SLC4A7: variants seen among roughly 807,000 people sequenced by gnomAD.
The protein encoded by SLC4A7 is solute carrier family 4 member 7.
In SLC4A7, 51 loss-of-function variants were observed where a neutral mutation model predicts 137.6. The observed-to-expected ratio is 0.37, with a 90% CI of 0.30 to 0.47. The LOEUF (loss-of-function observed/expected upper bound fraction) is 0.47. Ranked by LOEUF, SLC4A7 falls within the 20% of genes least tolerant of loss-of-function variation. SLC4A7 has a pLI of 1.00. For missense variants in SLC4A7, 1,247 were observed against 1,525.4 expected (o/e 0.82, Z 3.04); for synonymous variants, 542 against 518.6 (o/e 1.05, Z -0.61).
chr3:27,384,650 C>T (rs2150038182), intron 23 of SLC4A7, among the ~76,000 whole-genome samples: 1 of 152,124 alleles, frequency 6.6e-6, no homozygotes, highest in South Asian at 2.1e-4. Context: ...AAATTATATT[C>T]TATTTGAAAA....
chr3:27,456,804 G>C (rs2058438840), intron 1 of SLC4A7: 3 of 1,474,246 alleles, frequency 2.0e-6, no homozygotes, highest in Admixed American at 2.6e-5. Flanking sequence ...ATTCTTCTAA[G>C]TTACTTTTAT....
At chr3:27,478,003 T>A (rs2059536032) in intron 1 of SLC4A7, among the ~76,000 whole-genome samples, 2 of 152,206 alleles carry the variant, frequency 1.3e-5, no homozygotes, top group Admixed American at 6.5e-5. Context: ...GTCAAAAGTA[T>A]AACCATTTCT....
At chr3:27,416,459 A>G (rs541961897) in intron 11 of SLC4A7, among the ~76,000 whole-genome samples, 15 of 152,292 alleles carry the variant, frequency 9.8e-5, no homozygotes, top group African/African-American at 3.1e-4. Context: ...AGATTTGTAT[A>G]TATCTTATGG....
rs1004270502 is a variant in SLC4A7 at position 27,376,584 on chromosome 3, G to A, written c.*180C>T. On this transcript the variant is annotated 3_prime_UTR_variant, in exon 26 of 26. Coordinates refer to ENST00000454389, the MANE Select transcript of SLC4A7 (RefSeq NM_001321103.2). ...TAAGAACCATGTACCTCACTTCAAA[G>A]AGAGCATTTCATTAAATACATAGTC... 2.6e-6 allele frequency: 1 copy of A among 391,894 alleles called. No individual in the cohort carries two copies. The highest frequency in any genetic ancestry group is 2.1e-5 in the African/African-American group (1 of 47,798). The allele number at this position is 391,894 out of a possible 1,614,324, so 24.3% of individuals were successfully genotyped here. A position where few individuals can be genotyped will look rare whatever the true frequency, so the allele number is the denominator to read the frequency against.
At chr3:27,405,210 ACAGG>A (rs1425739335) in intron 13 of SLC4A7, among the ~76,000 whole-genome samples, 1 of 152,182 alleles carries the variant, frequency 6.6e-6, no homozygotes, top group East Asian at 1.9e-4. Context: ...AAAACTCAAT[ACAGG>A]CTGAGTATCC....
intron 1 of SLC4A7, among the ~76,000 whole-genome samples, chr3:27,464,890 G>A (rs2058896997): frequency 6.6e-6 from 1 of 152,096 alleles, no homozygotes; most frequent in Admixed American, 6.6e-5. Context: ...GAATTCAATT[G>A]GTGAGATGGA....
chr3:27,424,242 A>C, intron 7 of SLC4A7, 90 bp from the exon 8 acceptor site: 1 of 640,764 alleles, frequency 1.6e-6, no homozygotes, highest in Non-Finnish European at 2.7e-6. Context: ...TGATTTATGA[A>C]TATTATAAAA....
Position 27,376,281 on chromosome 3 carries a change from C to T in SLC4A7, c.*483G>A, listed in dbSNP as rs1345855943. 6.6e-6 allele frequency: 1 copy of T among 152,130 alleles called. No individual in the cohort carries two copies. Among genetic ancestry groups the T allele is most frequent in the African/African-American group, 2.4e-5 (1 of 41,424 alleles). 9.4% of individuals were successfully genotyped at this position (152,130 alleles called of 1,614,324 possible). ...ACGATGGACATCTACAGAAATGAAACACAAATAGAGAAGCCCTGAAATGTT... is the reference window on the plus strand; with the variant it reads ...ACGATGGACATCTACAGAAATGAAATACAAATAGAGAAGCCCTGAAATGTT... On this transcript the variant is annotated 3_prime_UTR_variant, in exon 26 of 26. Transcript: ENST00000454389.
At chr3:27,392,795 C>A (rs1407245416) in intron 20 of SLC4A7, among the ~76,000 whole-genome samples, 1 of 151,248 alleles carries the variant, frequency 6.6e-6, no homozygotes, top group Non-Finnish European at 1.5e-5. Flanking sequence ...CACTGCACTC[C>A]AGCCTGGGTG....
chr3:27,394,818 CA>C (rs773829259), intron 19 of SLC4A7, 49 bp from the exon 20 acceptor site: 1 of 1,582,582 alleles, frequency 6.3e-7, no homozygotes, highest in South Asian at 1.2e-5. Flanking sequence ...ATGGTTCCCT[CA>C]ATTTAAAATT....
intron 3 of SLC4A7, among the ~76,000 whole-genome samples, 192 bp from the exon 4 acceptor site, chr3:27,437,718 T>G (rs1335498621): frequency 6.8e-6 from 1 of 146,326 alleles, no homozygotes; most frequent in African/African-American, 2.5e-5. Context: ...AAAAAAAAAG[T>G]CACAGAAAGA....
intron 21 of SLC4A7, among the ~76,000 whole-genome samples, chr3:27,391,273 A>G (rs1343915801): frequency 2.6e-5 from 4 of 152,154 alleles, no homozygotes; most frequent in African/African-American, 9.7e-5. Flanking sequence ...TTCCTGATTT[A>G]TATTAGGATT....
intron 1 of SLC4A7, among the ~76,000 whole-genome samples, chr3:27,460,794 T>C (rs1455340820): frequency 1.3e-5 from 2 of 152,214 alleles, no homozygotes; most frequent in Non-Finnish European, 2.9e-5. Context: ...TACTGCGCCA[T>C]GGCCTTTAAG....
chr3:27,433,569 T>A (rs1033415201), intron 6 of SLC4A7, among the ~76,000 whole-genome samples: 1 of 151,906 alleles, frequency 6.6e-6, no homozygotes, highest in African/African-American at 2.4e-5. Context: ...TTTCACAAGT[T>A]GTACAAATAA....
At chr3:27,407,974 G>A (rs2053546115) in intron 13 of SLC4A7, among the ~76,000 whole-genome samples, 1 of 152,092 alleles carries the variant, frequency 6.6e-6, no homozygotes, top group South Asian at 2.1e-4. Flanking sequence ...TTCTAATAAA[G>A]CACCTGATAA....
rs149637330 is a variant in SLC4A7, at chr3:27,455,539, G to C, written c.61-3041C>G. 2.2e-3 allele frequency among the ~76,000 whole-genome samples: 329 copies of C among 151,432 alleles called. 3 individuals carry two copies. Among genetic ancestry groups the C allele is most frequent in the African/African-American group, 7.6e-3 (313 of 41,276 alleles). ...TTGTTATTGTTTCAGTTTTCAATGA[G>C]AGTGTTTTCATGCGTAACTTGCATA... On this transcript the variant is annotated intron_variant, in intron 1 of 25. Coordinates refer to ENST00000454389, the MANE Select transcript of SLC4A7 (RefSeq NM_001321103.2).
intron 1 of SLC4A7, among the ~76,000 whole-genome samples, chr3:27,483,011 C>T (rs2059779508): frequency 6.6e-6 from 1 of 152,188 alleles, no homozygotes; most frequent in Non-Finnish European, 1.5e-5. Context: ...TTAAAGACAA[C>T]TCTTGAATAA....
chr3:27,470,976 G>A (rs2059220966), intron 1 of SLC4A7, among the ~76,000 whole-genome samples: 1 of 151,940 alleles, frequency 6.6e-6, no homozygotes, highest in Non-Finnish European at 1.5e-5. Context: ...AAACAAAACA[G>A]CAAACCCTGG....
intron 1 of SLC4A7, 25 bp downstream of exon 1, chr3:27,484,042 A>G: frequency 2.2e-6 from 3 of 1,384,902 alleles, no homozygotes; most frequent in Non-Finnish European, 1.9e-6. Flanking sequence ...CCTGCGGAGG[A>G]GCCCCACCGC....
Sources: allele counts gnomAD v4.1 joint callset (sites outside exome capture counted in the v4.1 genomes callset), GRCh38; gene constraint gnomAD v4.1.1; transcripts MANE v1.5; gene names NCBI Gene and HGNC (gene_info 2026-07-23, HGNC 2026-07-21).